Variants in CTNNA3 observed in about 807,000 individuals in gnomAD.
CTNNA3 encodes the protein catenin alpha 3.
Under a neutral mutation model 95.7 loss-of-function variants are expected in CTNNA3, and 76 were observed. That is an observed-to-expected ratio of 0.79 (90% CI 0.66 to 0.96). The LOEUF (loss-of-function observed/expected upper bound fraction) is 0.96, where lower values mean the gene tolerates loss of function less well. CTNNA3 is among the 40% of genes least tolerant of loss of function. CTNNA3 has a pLI of 0.00. For synonymous variants in CTNNA3, 431 were observed against 374.4 expected (o/e 1.15, Z -1.74); for missense variants, 1,191 against 1,089.8 (o/e 1.09, Z -1.31).
chr10:66,392,480 T>C (rs2092942086), intron 11 of CTNNA3, among the ~76,000 whole-genome samples: 1 of 151,848 alleles, frequency 6.6e-6, no homozygotes, highest in South Asian at 2.1e-4. Flanking sequence ...GAAGATAACA[T>C]TTGCAAAACA....
In CTNNA3 at chr10:67,382,612, C is replaced by T. The variant is rs998336613; in HGVS notation, c.579+139230G>A. ...ACCCATCTGTTTCTTACTATACATA[C>T]ATTTATACATGTATGTGTATATGCC... On this transcript the variant is annotated intron_variant, in intron 5 of 17. Coordinates refer to ENST00000433211, the MANE Select transcript of CTNNA3 (RefSeq NM_013266.4). Among the ~76,000 whole-genome samples the T allele has an allele frequency of 1.1e-4, 16 of 152,116 alleles. 1 individual carries two copies. Among genetic ancestry groups the T allele is most frequent in the East Asian group, 5.8e-4 (3 of 5,190 alleles).
At chr10:66,199,810 T>TATATATAA (rs1564756697) in intron 13 of CTNNA3, among the ~76,000 whole-genome samples, 4 of 31,024 alleles carry the variant, frequency 1.3e-4, no homozygotes, top group African/African-American at 4.1e-4. Flanking sequence ...TATATATTTT[T>TATATATAA]TTTTTTTTTT....
intron 7 of CTNNA3, among the ~76,000 whole-genome samples, chr10:67,148,775 T>A (rs921353410): frequency 6.6e-6 from 1 of 152,192 alleles, no homozygotes; most frequent in African/African-American, 2.4e-5. Context: ...ATAGGTAATT[T>A]GTAATAAAGC....
intron 1 of CTNNA3, among the ~76,000 whole-genome samples, chr10:67,675,025 G>T (rs969283002): frequency 3.9e-5 from 6 of 151,980 alleles, no homozygotes; most frequent in African/African-American, 1.4e-4. Context: ...AGTAGATAAA[G>T]TATCCCATTG....
chr10:67,082,130 A>AT (rs1857088207), intron 7 of CTNNA3, among the ~76,000 whole-genome samples: 1 of 152,162 alleles, frequency 6.6e-6, no homozygotes, highest in East Asian at 1.9e-4. Flanking sequence ...TATAGAGAGG[A>AT]TTTTTTAAAA....
chr10:66,936,207 C>A (rs566093905), intron 7 of CTNNA3, among the ~76,000 whole-genome samples: 1 of 152,056 alleles, frequency 6.6e-6, no homozygotes, highest in African/African-American at 2.4e-5. Flanking sequence ...TGTGTGGAGT[C>A]TTTATTAGTT....
chr10:66,744,517 G>C (rs1032146790), intron 9 of CTNNA3, among the ~76,000 whole-genome samples: 1 of 152,088 alleles, frequency 6.6e-6, no homozygotes, highest in Non-Finnish European at 1.5e-5. Flanking sequence ...TTGTGATTCA[G>C]GACAACTCTA....
At chr10:66,613,586 T>C (rs1282020771) in intron 10 of CTNNA3, among the ~76,000 whole-genome samples, 1 of 152,046 alleles carries the variant, frequency 6.6e-6, no homozygotes, top group Admixed American at 6.6e-5. Flanking sequence ...TACCACACCA[T>C]CACTAGAAAG....
intron 15 of CTNNA3, among the ~76,000 whole-genome samples, chr10:66,037,938 C>T (rs925777331): frequency 1.3e-5 from 2 of 151,976 alleles, no homozygotes; most frequent in African/African-American, 4.8e-5. Context: ...CAGGAACAGC[C>T]CAAATGGAAA....
intron 7 of CTNNA3, among the ~76,000 whole-genome samples, chr10:67,084,715 T>G (rs935850283): frequency 6.6e-6 from 1 of 151,946 alleles, no homozygotes; most frequent in African/African-American, 2.4e-5. Flanking sequence ...AAATAATAAA[T>G]TATTGCTATT....
chr10:67,034,338 T>C (rs1853912355), intron 7 of CTNNA3, among the ~76,000 whole-genome samples: 1 of 152,208 alleles, frequency 6.6e-6, no homozygotes, highest in African/African-American at 2.4e-5. Flanking sequence ...GCCTTTTATG[T>C]GCCTCACACT....
intron 7 of CTNNA3, among the ~76,000 whole-genome samples, chr10:67,127,878 C>G (rs199868007): frequency 1.3e-5 from 2 of 151,244 alleles, no homozygotes; most frequent in Admixed American, 6.6e-5. Context: ...GTGTGTGTGT[C>G]TGTGTGTGTG....
chr10:66,511,284 A>G (rs1356683159), intron 11 of CTNNA3, among the ~76,000 whole-genome samples: 1 of 151,702 alleles, frequency 6.6e-6, no homozygotes, highest in Non-Finnish European at 1.5e-5. Flanking sequence ...CTTAATCTAT[A>G]TAATAGTTTG....
At chr10:67,468,291 G>A (rs1196509682) in intron 5 of CTNNA3, among the ~76,000 whole-genome samples, 1 of 152,020 alleles carries the variant, frequency 6.6e-6, no homozygotes, top group African/African-American at 2.4e-5. Flanking sequence ...CTACTCAGGA[G>A]GCTGACGGGG....
intron 15 of CTNNA3, among the ~76,000 whole-genome samples, chr10:66,061,889 A>G (rs2133573742): frequency 6.6e-6 from 1 of 152,306 alleles, no homozygotes; most frequent in Admixed American, 6.5e-5. Flanking sequence ...TTAACAACAC[A>G]TAACATAATT....
intron 7 of CTNNA3, among the ~76,000 whole-genome samples, chr10:67,042,552 A>T (rs570806010): frequency 6.6e-6 from 1 of 152,156 alleles, no homozygotes; most frequent in African/African-American, 2.4e-5. Flanking sequence ...AGTGTGGGCA[A>T]GAACATATAA....
At chr10:66,512,379 TGATAA>T (rs1277028922) in intron 11 of CTNNA3, among the ~76,000 whole-genome samples, 1 of 152,092 alleles carries the variant, frequency 6.6e-6, no homozygotes, top group Non-Finnish European at 1.5e-5. Flanking sequence ...AGGTTGTTAT[TGATAA>T]GATGAGGATT....
intron 17 of CTNNA3, among the ~76,000 whole-genome samples, chr10:65,931,277 A>G (rs1458226888): frequency 3.9e-5 from 6 of 152,360 alleles, no homozygotes; most frequent in Middle Eastern, 3.4e-3. Context: ...TTTGAAATAC[A>G]TATCTTTCTC....
chr10:67,762,185 CA>C (rs55895053), intron 1 of CTNNA3, among the ~76,000 whole-genome samples: 27,317 of 72,128 alleles, frequency 0.38, 2,629 homozygotes, highest in East Asian at 0.52. Context: ...ATAAATCAGC[CA>C]AAAAAAAAAA....
Sources: gnomAD v4.1 joint callset for allele counts (sites outside exome capture counted in the v4.1 genomes callset) on GRCh38, gnomAD v4.1.1 for gene constraint, MANE v1.5 for transcripts, NCBI Gene and HGNC (gene_info 2026-07-23, HGNC 2026-07-21) for gene names.